Variants in AGBL4 observed in about 807,000 individuals in gnomAD.
The protein encoded by AGBL4 is AGBL carboxypeptidase 4, also known as cytosolic carboxypeptidase 6.
In AGBL4, 58 loss-of-function variants were observed where a neutral mutation model predicts 66.4. The observed-to-expected ratio is 0.87, with a 90% confidence interval of 0.71 to 1.09. The LOEUF is 1.09. Among genes scored for constraint, AGBL4 ranks in the 50% least tolerant of loss-of-function variants. The probability of loss-of-function intolerance (pLI) is 0.00; values close to 1 mark genes in which losing one functional copy is unlikely to be tolerated. For synonymous variants in AGBL4, 234 were observed against 222.9 expected (o/e 1.05, Z -0.44); for missense variants, 579 against 631.0 (o/e 0.92, Z 0.88).
At chr1:49,627,338 T>C (rs1168597283) in intron 3 of AGBL4, among the ~76,000 whole-genome samples, 1 of 152,128 alleles carries the variant, frequency 6.6e-6, no homozygotes, top group Non-Finnish European at 1.5e-5. Flanking sequence ...GCATCTACCA[T>C]GGAAGAGGCA....
At chr1:49,241,369 A>G (rs139640985) in intron 4 of AGBL4, among the ~76,000 whole-genome samples, 161 of 152,142 alleles carry the variant, frequency 1.1e-3, no homozygotes, top group African/African-American at 3.7e-3. Flanking sequence ...TTTTCTCATC[A>G]AAGATGAAAT....
chr1:48,937,463 C>T (rs574536328), intron 5 of AGBL4, among the ~76,000 whole-genome samples: 2 of 151,932 alleles, frequency 1.3e-5, no homozygotes, highest in Non-Finnish European at 2.9e-5. Flanking sequence ...TGTGACATGC[C>T]TTCAAAAAAA....
intron 6 of AGBL4, among the ~76,000 whole-genome samples, chr1:48,857,773 G>A (rs1647213981): frequency 6.6e-6 from 1 of 152,058 alleles, no homozygotes; most frequent in African/African-American, 2.4e-5. Context: ...GGGTTAAACA[G>A]TGGTTTCTTA....
At chr1:48,535,056 G>T (rs1643946713) in intron 12 of AGBL4, 140 bp from the exon 13 acceptor site, 3 of 829,336 alleles carry the variant, frequency 3.6e-6, no homozygotes, top group Admixed American at 2.6e-5. Flanking sequence ...ATGTTTTTAT[G>T]GGGAAAAAGA....
chr1:49,004,753 T>G (rs1032213874), intron 5 of AGBL4, among the ~76,000 whole-genome samples: 2 of 152,204 alleles, frequency 1.3e-5, no homozygotes, highest in African/African-American at 4.8e-5. Context: ...GGGGGACATT[T>G]GATCTGGGTC....
At chr1:49,031,929 A>G (rs1460532964) in intron 5 of AGBL4, among the ~76,000 whole-genome samples, 1 of 150,884 alleles carries the variant, frequency 6.6e-6, no homozygotes, top group African/African-American at 2.4e-5. Flanking sequence ...AGAAGTACAC[A>G]ACAAAGGCTC....
At chr1:49,993,963 A>G (rs1263841707) in intron 1 of AGBL4, among the ~76,000 whole-genome samples, 1 of 152,208 alleles carries the variant, frequency 6.6e-6, no homozygotes, top group Non-Finnish European at 1.5e-5. Context: ...TTTAAGCTCC[A>G]CTATCACCAT....
At chr1:49,705,816 C>T (rs1329484441) in intron 2 of AGBL4, among the ~76,000 whole-genome samples, 1 of 151,580 alleles carries the variant, frequency 6.6e-6, no homozygotes, top group Non-Finnish European at 1.5e-5. Flanking sequence ...TGGTTTTTGT[C>T]ATTGGTTCTG....
At chr1:48,880,302 C>T (rs1453015823) in intron 5 of AGBL4, among the ~76,000 whole-genome samples, 7 of 152,118 alleles carry the variant, frequency 4.6e-5, no homozygotes, top group Non-Finnish European at 1.0e-4. Flanking sequence ...TAATTCATTC[C>T]TTTTTAAGGC....
At chr1:49,263,388 TCA>T (rs1653419276) in intron 3 of AGBL4, among the ~76,000 whole-genome samples, 4 of 151,920 alleles carry the variant, frequency 2.6e-5, no homozygotes, top group Admixed American at 6.6e-5. Flanking sequence ...AGAGTAATCC[TCA>T]CAATGGTTTA....
intron 1 of AGBL4, among the ~76,000 whole-genome samples, chr1:49,953,913 T>TA (rs1446192090): frequency 6.6e-6 from 1 of 151,896 alleles, no homozygotes; most frequent in African/African-American, 2.4e-5. Flanking sequence ...CTTACTTAGA[T>TA]ACGGGGTCTT....
intron 3 of AGBL4, among the ~76,000 whole-genome samples, chr1:49,633,557 G>T (rs1004260011): frequency 6.6e-6 from 1 of 152,156 alleles, no homozygotes; most frequent in Non-Finnish European, 1.5e-5. Flanking sequence ...TATTTGGGAA[G>T]CTGAGGTTGG....
chr1:49,011,756 T>C (rs1476627497), intron 5 of AGBL4, among the ~76,000 whole-genome samples: 5 of 151,974 alleles, frequency 3.3e-5, no homozygotes, highest in African/African-American at 1.2e-4. Context: ...ATGGAAATCA[T>C]CATTCTCAGT....
At chr1:48,821,076 T>A (rs1420621401) in intron 6 of AGBL4, among the ~76,000 whole-genome samples, 3 of 152,202 alleles carry the variant, frequency 2.0e-5, no homozygotes, top group Non-Finnish European at 4.4e-5. Context: ...CCAGTAAGAA[T>A]GGCTATCATT....
chr1:49,059,812 C>T (rs1021247843), intron 4 of AGBL4, among the ~76,000 whole-genome samples: 7 of 152,272 alleles, frequency 4.6e-5, no homozygotes, highest in South Asian at 2.1e-4. Context: ...ACGACCGACC[C>T]TATTGGATTT....
chr1:49,606,802 ACTTG>A (rs890447795), intron 3 of AGBL4, among the ~76,000 whole-genome samples: 19 of 152,058 alleles, frequency 1.2e-4, no homozygotes, highest in African/African-American at 4.3e-4. Context: ...CAACCCCAAA[ACTTG>A]CTTGTCTCAA....
chr1:48,661,749 C>A (rs948624471), intron 7 of AGBL4, among the ~76,000 whole-genome samples: 1 of 152,102 alleles, frequency 6.6e-6, no homozygotes, highest in Non-Finnish European at 1.5e-5. Flanking sequence ...GTTTGGGCTC[C>A]CAGAGATGAA....
rs376925249 is a variant in AGBL4 at position 49,618,333 on chromosome 1, A to G, written c.282+78980T>C. ...TAAACATGTGTGGATGTGCCTTTAC[A>G]GGAGAATGATGTATAATCCTTTGGG... is the stretch of plus-strand genomic sequence containing the variant. On this transcript the variant is annotated intron_variant, in intron 3 of 13. Transcript: ENST00000371839. 7.9e-4 allele frequency among the ~76,000 whole-genome samples: 121 copies of G among 152,286 alleles called. 6 individuals are homozygous for G. In the South Asian group the frequency reaches 0.022, roughly 28 times the overall value.
At chr1:49,308,555 C>A (rs753991984) in intron 3 of AGBL4, among the ~76,000 whole-genome samples, 18 of 152,142 alleles carry the variant, frequency 1.2e-4, no homozygotes, top group Non-Finnish European at 2.1e-4. Context: ...AGTCACATGG[C>A]AAATATAGAA....
Sources: gnomAD v4.1 joint callset for allele counts (sites outside exome capture counted in the v4.1 genomes callset) on GRCh38, gnomAD v4.1.1 for gene constraint, MANE v1.5 for transcripts, NCBI Gene and HGNC (gene_info 2026-07-23, HGNC 2026-07-21) for gene names.